MMP16: variants seen among roughly 807,000 people sequenced by gnomAD.
MMP16 encodes matrix metallopeptidase 16.
MMP16 carries 12 observed loss-of-function variants against 67.8 expected under a neutral mutation model. The observed-to-expected ratio is 0.18, with a 90% CI of 0.11 to 0.29. The LOEUF (loss-of-function observed/expected upper bound fraction) is 0.29. Among genes scored for constraint, MMP16 ranks in the 10% least tolerant of loss-of-function variants. The probability of loss-of-function intolerance (pLI) is 1.00; values close to 1 mark genes in which losing one functional copy is unlikely to be tolerated. For missense variants in MMP16, 475 were observed against 765.7 expected (o/e 0.62, Z 4.48); for synonymous variants, 249 against 255.9 (o/e 0.97, Z 0.26).
Position 88,116,005 on chromosome 8 carries a change from T to C in MMP16, c.1083+502A>G, listed in dbSNP as rs1809421481. On this transcript the variant is annotated intron_variant, in intron 6 of 9. Transcript: ENST00000286614. Reference sequence around the variant, plus strand: ...ATAACATTCATATGTAAAGTCAAAATGATAGCTTCATAGAGGAGATTTAAC... The same window carrying C: ...ATAACATTCATATGTAAAGTCAAAACGATAGCTTCATAGAGGAGATTTAAC... 1.3e-5 allele frequency among the ~76,000 whole-genome samples: 2 copies of C among 152,054 alleles called. 1 individual carries two copies. The highest frequency in any genetic ancestry group is 4.1e-4 in the South Asian group (2 of 4,832).
chr8:88,135,499 T>C (rs1200092813), intron 4 of MMP16, among the ~76,000 whole-genome samples: 1 of 151,832 alleles, frequency 6.6e-6, no homozygotes, highest in East Asian at 1.9e-4. Context: ...ATGATTTTGT[T>C]GTGGGACTGA....
chr8:88,196,855 T>C (rs1366526492), intron 2 of MMP16, among the ~76,000 whole-genome samples: 2 of 152,124 alleles, frequency 1.3e-5, no homozygotes, highest in Admixed American at 6.6e-5. Flanking sequence ...ACAACCCACC[T>C]CTGTTGCTCA....
intron 5 of MMP16, 106 bp from the exon 6 acceptor site, chr8:88,116,824 G>C: frequency 1.0e-6 from 1 of 957,148 alleles, no homozygotes; most frequent in South Asian, 1.6e-5. Flanking sequence ...CAGACTAACT[G>C]AACTAAGAGG....
intron 1 of MMP16, among the ~76,000 whole-genome samples, chr8:88,271,211 T>A (rs1810557406): frequency 6.6e-6 from 1 of 152,138 alleles, no homozygotes; most frequent in African/African-American, 2.4e-5. Flanking sequence ...TGATGGGAAA[T>A]AGACAGTACT....
rs1216184699 is a variant in MMP16, at chr8:88,198,836, C to T, written c.133-1530G>A. On this transcript the variant is annotated intron_variant, in intron 1 of 9. Transcript: ENST00000286614. ...ACCATATAGTAAAAGCATGCCAAGA[C>T]ACTCTTCTCATCTAATCTGTAATGA... Among the ~76,000 whole-genome samples, 4 of 152,006 alleles carry T rather than the reference C, an allele frequency of 2.6e-5. No homozygotes were observed. The East Asian group carries it at 7.7e-4, about 29-fold the overall frequency.
At chr8:88,268,079 G>C (rs947270128) in intron 1 of MMP16, among the ~76,000 whole-genome samples, 4 of 152,116 alleles carry the variant, frequency 2.6e-5, no homozygotes, top group Admixed American at 2.6e-4. Flanking sequence ...GCGGTGGCTC[G>C]TGCCTGTAAT....
intron 1 of MMP16, among the ~76,000 whole-genome samples, chr8:88,232,575 A>G (rs1331997750): frequency 1.3e-5 from 2 of 152,182 alleles, no homozygotes; most frequent in East Asian, 3.9e-4. Context: ...AAACAGAATC[A>G]CATTATGTCC....
chr8:88,297,465 C>A (rs1013307306), intron 1 of MMP16, among the ~76,000 whole-genome samples: 7 of 152,126 alleles, frequency 4.6e-5, no homozygotes, highest in Non-Finnish European at 8.8e-5. Flanking sequence ...GGCCTCTCTG[C>A]GTATGGCCCG....
At chr8:88,262,649 ACTTT>A (rs966631549) in intron 1 of MMP16, among the ~76,000 whole-genome samples, 2 of 152,030 alleles carry the variant, frequency 1.3e-5, no homozygotes, top group Admixed American at 6.6e-5. Context: ...AGCATCATAA[ACTTT>A]CTTTACTTTT....
chr8:88,192,761 C>T (rs2129770553), intron 2 of MMP16, among the ~76,000 whole-genome samples: 1 of 152,164 alleles, frequency 6.6e-6, no homozygotes, highest in Middle Eastern at 3.4e-3. Context: ...ATTAGGAATC[C>T]AAATATCACT....
chr8:88,237,697 C>T (rs1339255316), intron 1 of MMP16, among the ~76,000 whole-genome samples: 1 of 151,634 alleles, frequency 6.6e-6, no homozygotes, highest in Non-Finnish European at 1.5e-5. Context: ...ACAACTGCAT[C>T]TTGGGTATGG....
At chr8:88,176,552 A>C (rs759948028) in intron 3 of MMP16, among the ~76,000 whole-genome samples, 16 of 152,198 alleles carry the variant, frequency 1.1e-4, no homozygotes, top group Non-Finnish European at 2.2e-4. Context: ...CTGATTATAC[A>C]TTTTAGTTCC....
chr8:88,137,287 C>T (rs1808136329), intron 4 of MMP16, among the ~76,000 whole-genome samples: 2 of 151,650 alleles, frequency 1.3e-5, no homozygotes, highest in South Asian at 4.2e-4. Flanking sequence ...TGAGACTTGC[C>T]CTATTTTAGA....
At chr8:88,180,621 A>T (rs1397489240) in intron 3 of MMP16, among the ~76,000 whole-genome samples, 1 of 152,150 alleles carries the variant, frequency 6.6e-6, no homozygotes, top group Non-Finnish European at 1.5e-5. Flanking sequence ...CAATATAGCA[A>T]GAAAACATGT....
intron 9 of MMP16, among the ~76,000 whole-genome samples, chr8:88,044,067 C>G (rs775912085): frequency 2.6e-5 from 4 of 152,206 alleles, no homozygotes; most frequent in African/African-American, 4.8e-5. Context: ...TATTTACATA[C>G]AACACAGTTC....
intron 1 of MMP16, among the ~76,000 whole-genome samples, chr8:88,229,909 T>C (rs1032410112): frequency 1.3e-4 from 20 of 152,052 alleles, no homozygotes; most frequent in African/African-American, 4.1e-4. Flanking sequence ...AGTTAAGAGA[T>C]CCAACATATT....
At chr8:88,307,298 AAG>A (rs1041282280) in intron 1 of MMP16, among the ~76,000 whole-genome samples, 2 of 152,130 alleles carry the variant, frequency 1.3e-5, no homozygotes, top group Non-Finnish European at 2.9e-5. Flanking sequence ...TCATGAAATG[AAG>A]AGTCTTGAAT....
intron 1 of MMP16, among the ~76,000 whole-genome samples, chr8:88,279,556 T>C (rs1015355034): frequency 2.0e-5 from 3 of 152,170 alleles, no homozygotes; most frequent in Non-Finnish European, 4.4e-5. Flanking sequence ...ATTGTTCTCA[T>C]GTAGGAGTAA....
intron 1 of MMP16, among the ~76,000 whole-genome samples, chr8:88,270,472 T>C (rs1810547565): frequency 6.6e-6 from 1 of 152,142 alleles, no homozygotes; most frequent in Admixed American, 6.5e-5. Context: ...AGAGAAATAA[T>C]CTAAAAGTCA....
Sources: allele counts gnomAD v4.1 joint callset (sites outside exome capture counted in the v4.1 genomes callset), GRCh38; gene constraint gnomAD v4.1.1; transcripts MANE v1.5; gene names NCBI Gene and HGNC (gene_info 2026-07-23, HGNC 2026-07-21).